The following GRM7 variants were observed in gnomAD, a reference collection of about 807,000 sequenced individuals.
GRM7 encodes metabotropic glutamate receptor 7.
GRM7 carries 35 observed loss-of-function variants against 84.5 expected under a neutral mutation model. The observed-to-expected ratio is 0.41, with a 90% CI of 0.32 to 0.55. The LOEUF (loss-of-function observed/expected upper bound fraction) is 0.55. Ranked by LOEUF, GRM7 falls within the 20% of genes least tolerant of loss-of-function variation. The pLI, the probability that GRM7 is intolerant of heterozygous loss-of-function variation, is 0.19. For missense variants in GRM7, 1,003 were observed against 1,194.6 expected (o/e 0.84, Z 2.36); for synonymous variants, 487 against 455.1 (o/e 1.07, Z -0.89).
At chr3:7,029,783 G>A (rs1696124092) in intron 1 of GRM7, among the ~76,000 whole-genome samples, 2 of 152,124 alleles carry the variant, frequency 1.3e-5, no homozygotes, top group African/African-American at 4.8e-5. Flanking sequence ...GTGGATAGAT[G>A]CTGGTGATGG....
chr3:7,427,185 A>G (rs748213633), intron 5 of GRM7, among the ~76,000 whole-genome samples: 1 of 152,228 alleles, frequency 6.6e-6, no homozygotes, highest in Non-Finnish European at 1.5e-5. Flanking sequence ...TTAAGGAAAA[A>G]TGTGAAAATC....
intron 9 of GRM7, among the ~76,000 whole-genome samples, chr3:7,711,759 T>G (rs1701589901): frequency 6.6e-6 from 1 of 152,160 alleles, no homozygotes; most frequent in African/African-American, 2.4e-5. Flanking sequence ...TTGGCGCCTT[T>G]CAAAGATCAG....
intron 4 of GRM7, among the ~76,000 whole-genome samples, chr3:7,360,602 A>T (rs571914131): frequency 6.6e-6 from 1 of 152,254 alleles, no homozygotes; most frequent in South Asian, 2.1e-4. Context: ...TCCAGCTGTG[A>T]CCAATAATAT....
chr3:7,067,486 A>G (rs958350900), intron 1 of GRM7, among the ~76,000 whole-genome samples: 2 of 152,074 alleles, frequency 1.3e-5, no homozygotes, highest in African/African-American at 2.4e-5. Flanking sequence ...AAAGACCTCT[A>G]CAAGGAAAAC....
intron 2 of GRM7, among the ~76,000 whole-genome samples, chr3:7,251,971 A>G (rs1295785808): frequency 6.6e-6 from 1 of 152,170 alleles, no homozygotes; most frequent in Non-Finnish European, 1.5e-5. Flanking sequence ...CTTTTTTCCA[A>G]TTATTAGGAG....
intron 2 of GRM7, among the ~76,000 whole-genome samples, chr3:7,205,989 T>A (rs1174243952): frequency 1.3e-5 from 2 of 152,204 alleles, no homozygotes; most frequent in African/African-American, 2.4e-5. Context: ...TCTTTATTCA[T>A]GACATTGTAT....
intron 1 of GRM7, among the ~76,000 whole-genome samples, chr3:6,875,406 T>A (rs1276885044): frequency 1.3e-5 from 2 of 152,080 alleles, no homozygotes; most frequent in Non-Finnish European, 2.9e-5. Flanking sequence ...CCCATACTGT[T>A]CTCTTGGTAG....
intron 4 of GRM7, among the ~76,000 whole-genome samples, chr3:7,378,542 C>T (rs139058168): frequency 9.2e-5 from 14 of 152,220 alleles, no homozygotes; most frequent in African/African-American, 3.4e-4. Flanking sequence ...ACTAAGACGG[C>T]CTCTTCTTGA....
intron 1 of GRM7, among the ~76,000 whole-genome samples, chr3:6,899,086 A>C (rs1415833805): frequency 6.6e-6 from 1 of 152,188 alleles, no homozygotes; most frequent in Non-Finnish European, 1.5e-5. Flanking sequence ...TAGAGGTAAG[A>C]GTTGAGTCCA....
intron 8 of GRM7, among the ~76,000 whole-genome samples, chr3:7,583,984 G>A (rs1214397473): frequency 6.6e-6 from 1 of 152,168 alleles, no homozygotes; most frequent in Non-Finnish European, 1.5e-5. Context: ...AAATATGATA[G>A]TTGTCGCACA....
chr3:7,519,869 G>A (rs1201483049), intron 7 of GRM7: 1 of 152,752 alleles, frequency 6.5e-6, no homozygotes, highest in Non-Finnish European at 1.5e-5. Context: ...TTCACTCACT[G>A]GGCTGGTAGT....
intron 4 of GRM7, among the ~76,000 whole-genome samples, chr3:7,367,722 A>T (rs1318995727): frequency 1.3e-5 from 2 of 151,812 alleles, no homozygotes; most frequent in Admixed American, 1.3e-4. Context: ...GGAGAGAAGG[A>T]GAAAAAAAAA....
rs569310957 is a variant in GRM7, at chr3:7,488,587, G to A, written c.1515+26865G>A. Among the ~76,000 whole-genome samples the A allele has an allele frequency of 5.9e-5, 9 of 152,166 alleles. No individual in the cohort carries two copies. In the South Asian group the frequency reaches 1.0e-3, roughly 18 times the overall value. ...TTTACACATTCCTGCTTCATCTTCC[G>A]CTTCTCCATGACATTGTAATGCAGC... is the stretch of plus-strand genomic sequence containing the variant. On this transcript the variant is annotated intron_variant, in intron 7 of 9. Transcript: ENST00000357716.
At chr3:6,958,749 T>G (rs983297758) in intron 1 of GRM7, among the ~76,000 whole-genome samples, 1 of 152,146 alleles carries the variant, frequency 6.6e-6, no homozygotes, top group Non-Finnish European at 1.5e-5. Context: ...TGACTTTGGA[T>G]TATAAGAGAG....
chr3:7,741,208 CTT>C lies in GRM7; in HGVS notation c.*805_*806del, dbSNP rs1702686706. ...TGTTCAATATTTGTATTTGTGTTCT[CTT>C]TTGTTATTTTTAATTAGGGTATATG... On this transcript the variant is annotated 3_prime_UTR_variant, in exon 10 of 10. Coordinates refer to ENST00000357716, the MANE Select transcript of GRM7 (RefSeq NM_000844.4). The C allele has an allele frequency of 6.6e-6, 1 of 152,336 alleles. No homozygotes were observed. Among genetic ancestry groups the C allele is most frequent in the Admixed American group, 6.6e-5 (1 of 15,252 alleles). 9.4% of individuals were successfully genotyped at this position (152,336 alleles called of 1,614,324 possible).
intron 7 of GRM7, among the ~76,000 whole-genome samples, chr3:7,568,190 C>A (rs536735761): frequency 4.6e-5 from 7 of 152,056 alleles, no homozygotes; most frequent in African/African-American, 9.7e-5. Flanking sequence ...AACTGGGGAG[C>A]CTGGCAGGCC....
chr3:7,560,559 G>A (rs1272167780), intron 7 of GRM7, among the ~76,000 whole-genome samples: 1 of 152,024 alleles, frequency 6.6e-6, no homozygotes, highest in Admixed American at 6.6e-5. Context: ...TAAAAATTCA[G>A]AGTCTCAAGC....
At chr3:7,542,944 G>A (rs747021939) in intron 7 of GRM7, among the ~76,000 whole-genome samples, 36 of 151,982 alleles carry the variant, frequency 2.4e-4, no homozygotes, top group African/African-American at 8.2e-4. Context: ...TCCCACCCTC[G>A]CCATACCCTC....
chr3:7,645,181 C>T (rs771315415), intron 8 of GRM7, among the ~76,000 whole-genome samples: 34 of 152,068 alleles, frequency 2.2e-4, no homozygotes, highest in Non-Finnish European at 3.8e-4. Flanking sequence ...CTTCCCTATA[C>T]CTCACATTTT....
Sources: allele counts gnomAD v4.1 joint callset (sites outside exome capture counted in the v4.1 genomes callset), GRCh38; gene constraint gnomAD v4.1.1; transcripts MANE v1.5; gene names NCBI Gene and HGNC (gene_info 2026-07-23, HGNC 2026-07-21).